The following MTCH2 variants were observed in gnomAD, a reference collection of about 807,000 sequenced individuals.
The protein encoded by MTCH2 is mitochondrial carrier homolog 2.
MTCH2 carries 25 observed loss-of-function variants against 50.6 expected under a neutral mutation model. The ratio of observed to expected loss-of-function variants is 0.49; its 90% confidence interval spans 0.36 to 0.69. MTCH2 has a LOEUF of 0.69. Among genes scored for constraint, MTCH2 ranks in the 30% least tolerant of loss-of-function variants. The probability of loss-of-function intolerance (pLI) is 0.00; values close to 1 mark genes in which losing one functional copy is unlikely to be tolerated. For synonymous variants in MTCH2, 106 were observed against 132.0 expected (o/e 0.80, Z 1.35); for missense variants, 273 against 384.4 (o/e 0.71, Z 2.42).
intron 5 of MTCH2, among the ~76,000 whole-genome samples, chr11:47,633,784 G>A (rs926537868): frequency 1.1e-4 from 17 of 151,434 alleles, no homozygotes; most frequent in African/African-American, 1.9e-4. Flanking sequence ...TGATCCGCCC[G>A]CCTCGGCCTC....
the MTCH2 span, among the ~76,000 whole-genome samples, chr11:47,606,193 T>C: frequency 2.6e-5 from 4 of 152,188 alleles, no homozygotes; most frequent in South Asian, 6.2e-4. Context: ...TTCTTCTATT[T>C]GGGGTTTAAT....
downstream of MTCH2, among the ~76,000 whole-genome samples, chr11:47,614,494 G>A: frequency 6.6e-6 from 1 of 152,044 alleles, no homozygotes; most frequent in East Asian, 1.9e-4. Context: ...TTGAGACGGA[G>A]TTTTGCTTGT....
At chr11:47,642,324 G>A (rs1565979809) in intron 1 of MTCH2, 55 bp downstream of exon 1, 2 of 1,424,216 alleles carry the variant, frequency 1.4e-6, no homozygotes, top group Non-Finnish European at 1.9e-6. Flanking sequence ...GGCGCCCTGA[G>A]CAGCAGCGAC....
chr11:47,619,022 G>A (rs1013288120), intron 12 of MTCH2, 103 bp from the exon 13 acceptor site: 1 of 951,392 alleles, frequency 1.1e-6, no homozygotes. Context: ...ACTAAATCTA[G>A]GACAAAACTG....
intron 8 of MTCH2, 81 bp downstream of exon 8, chr11:47,630,474 T>C: frequency 1.7e-6 from 2 of 1,210,220 alleles, no homozygotes; most frequent in Non-Finnish European, 2.5e-6. Context: ...CCCCAAGGAT[T>C]AAACAAAGAC....
intron 8 of MTCH2, among the ~76,000 whole-genome samples, chr11:47,629,548 G>A (rs2097301106): frequency 1.3e-5 from 2 of 152,132 alleles, no homozygotes; most frequent in Non-Finnish European, 2.9e-5. Context: ...GCATGGAATA[G>A]TGGGAAGAGC....
downstream of MTCH2, among the ~76,000 whole-genome samples, chr11:47,614,964 T>C (rs771974017): frequency 6.9e-6 from 1 of 145,962 alleles, no homozygotes; most frequent in Non-Finnish European, 1.5e-5. Flanking sequence ...TGTGATCAAC[T>C]AGTTGCAATA....
At chr11:47,634,756 A>T (rs2097306900) in intron 4 of MTCH2, 22 bp from the exon 5 acceptor site, 7 of 1,474,392 alleles carry the variant, frequency 4.7e-6, no homozygotes, top group Non-Finnish European at 5.6e-6. Flanking sequence ...AATCAAAGAA[A>T]ATAGAGATCT....
intron 12 of MTCH2, among the ~76,000 whole-genome samples, chr11:47,620,261 A>T (rs1045862451): frequency 6.6e-6 from 1 of 152,104 alleles, no homozygotes; most frequent in African/African-American, 2.4e-5. Context: ...ATGTACCCTA[A>T]AACTTAAAAG....
intron 3 of MTCH2, among the ~76,000 whole-genome samples, chr11:47,638,183 T>C (rs913997914): frequency 3.3e-5 from 5 of 150,826 alleles, no homozygotes; most frequent in Non-Finnish European, 7.4e-5. Context: ...ACTTTCTCTT[T>C]TTCTCTAAGT....
chr11:47,639,567 G>T (rs530275260), intron 1 of MTCH2, among the ~76,000 whole-genome samples: 25 of 152,348 alleles, frequency 1.6e-4, no homozygotes, highest in African/African-American at 6.0e-4. Flanking sequence ...GTCGGGCGCA[G>T]TGGCTCATGC....
At chr11:47,605,122 A>G in the MTCH2 span, among the ~76,000 whole-genome samples, 1 of 152,054 alleles carries the variant, frequency 6.6e-6, no homozygotes, top group African/African-American at 2.4e-5. Flanking sequence ...TAGTAGAGAC[A>G]GAGTTTTACC....
At chr11:47,628,374 C>A (rs2097299938) in intron 9 of MTCH2, among the ~76,000 whole-genome samples, 1 of 152,070 alleles carries the variant, frequency 6.6e-6, no homozygotes, top group African/African-American at 2.4e-5. Flanking sequence ...TCTTTAAAGC[C>A]CTGAAGTAAC....
rs1200950402 is a variant in MTCH2, at chr11:47,617,717, G to C, written c.*1116C>G. The C allele has an allele frequency of 1.3e-5, 2 of 152,360 alleles. No homozygotes were observed. Among genetic ancestry groups the C allele is most frequent in the African/African-American group, 2.4e-5 (1 of 41,440 alleles). 9.4% of individuals were successfully genotyped at this position (152,360 alleles called of 1,614,324 possible). A position where few individuals can be genotyped will look rare whatever the true frequency, so the allele number is the denominator to read the frequency against. ...CTGAGTAAACAGAAGCTTTATGCTT[G>C]AGTTGAATTTTATTTTCTCCCAAAG... On this transcript the variant is annotated 3_prime_UTR_variant, in exon 13 of 13. Transcript: ENST00000302503.
In MTCH2 at chr11:47,617,925, GAAACA is replaced by G. The variant is rs1218797481; in HGVS notation, c.*903_*907del. The G allele has an allele frequency of 6.6e-6, 1 of 152,052 alleles. No homozygotes were observed. Among genetic ancestry groups the G allele is most frequent in the Non-Finnish European group, 1.5e-5 (1 of 68,024 alleles). 9.4% of individuals were successfully genotyped at this position (152,052 alleles called of 1,614,324 possible). A position where few individuals can be genotyped will look rare whatever the true frequency, so the allele number is the denominator to read the frequency against. The stretch of plus-strand genomic sequence containing the variant: ...CACCTTCGGCAACAATAACAAAAAG[GAAACA>G]AAACAAAAAACTGAAGAACAAAAGA... On this transcript the variant is annotated 3_prime_UTR_variant, in exon 13 of 13. Transcript: ENST00000302503.
rs748709410 is a variant in MTCH2 at position 47,642,369 on chromosome 11, C to A, written c.87+10G>T. ...CGCCGGGCGGGGTAGGGAGCGGCGA[C>A]GCCTCATACCTGGATGAGCACTTTC... On this transcript the variant is annotated intron_variant, in intron 1 of 12. Transcript: ENST00000302503. 6 of 1,588,164 alleles carry A rather than the reference C, an allele frequency of 3.8e-6. No homozygotes were observed. In the South Asian group the frequency reaches 6.9e-5, roughly 18 times the overall value.
chr11:47,611,474 C>G, the MTCH2 span, among the ~76,000 whole-genome samples: 1,063 of 152,348 alleles, frequency 7.0e-3, 15 homozygotes, highest in African/African-American at 0.024. Context: ...TCATGCTACT[C>G]TGTGTGGAAA....
At chr11:47,624,795 A>C (rs1279612655) in intron 11 of MTCH2, among the ~76,000 whole-genome samples, 1 of 152,216 alleles carries the variant, frequency 6.6e-6, no homozygotes, top group African/African-American at 2.4e-5. Flanking sequence ...AATTAAAAAT[A>C]AATAAAAATA....
In MTCH2 at chr11:47,636,867, C is replaced by T. The variant is rs936801097; in HGVS notation, c.280-1296G>A. ...AGGAATTCAAGACCAGACTGGGCAA[C>T]ATAGTGAGACTTTGTCTCTAAAAAA... On this transcript the variant is annotated intron_variant, in intron 3 of 12. Transcript: ENST00000302503. 5.3e-5 allele frequency among the ~76,000 whole-genome samples: 8 copies of T among 151,634 alleles called. No individual in the cohort carries two copies. The East Asian group carries it at 1.5e-3, about 29-fold the overall frequency.
Sources: gnomAD v4.1 joint callset for allele counts (sites outside exome capture counted in the v4.1 genomes callset) on GRCh38, gnomAD v4.1.1 for gene constraint, MANE v1.5 for transcripts, NCBI Gene and HGNC (gene_info 2026-07-23, HGNC 2026-07-21) for gene names.